INSC: variants seen among roughly 807,000 people sequenced by gnomAD.
The protein encoded by INSC is protein inscuteable homolog.
Under a neutral mutation model 58.6 loss-of-function variants are expected in INSC, and 67 were observed. The observed-to-expected ratio is 1.14, with a 90% CI of 0.94 to 1.40. INSC has a LOEUF of 1.40. Ranked by LOEUF, INSC falls within the 40% of genes most tolerant of loss-of-function variation. The pLI is 0.00. For missense variants in INSC, 714 were observed against 692.0 expected (o/e 1.03, Z -0.36); for synonymous variants, 262 against 276.1 (o/e 0.95, Z 0.51).
intron 1 of INSC, among the ~76,000 whole-genome samples, chr11:15,139,687 A>T (rs969907355): frequency 6.6e-6 from 1 of 152,208 alleles, no homozygotes; most frequent in Non-Finnish European, 1.5e-5. Flanking sequence ...GATCAAAAAC[A>T]TAATGCTCAA....
intron 1 of INSC, among the ~76,000 whole-genome samples, chr11:15,138,081 G>A (rs1254144625): frequency 6.6e-6 from 1 of 152,124 alleles, no homozygotes; most frequent in Non-Finnish European, 1.5e-5. Flanking sequence ...AGGAGAGGGA[G>A]AAAGATAGGG....
At chr11:15,113,622 C>T (rs183034990), upstream of INSC, among the ~76,000 whole-genome samples, 227 of 152,248 alleles carry the variant, frequency 1.5e-3, no homozygotes, top group Admixed American at 3.2e-3. Context: ...AACTGAGGCC[C>T]CTCTCAGGGA....
intron 1 of INSC, among the ~76,000 whole-genome samples, chr11:15,121,297 G>A (rs1365685598): frequency 1.3e-5 from 2 of 152,106 alleles, no homozygotes; most frequent in African/African-American, 4.8e-5. Context: ...ATCCAGAGCA[G>A]TTCTGCTTTA....
chr11:15,206,139 G>A (rs1850788484), intron 7 of INSC, among the ~76,000 whole-genome samples: 1 of 152,206 alleles, frequency 6.6e-6, no homozygotes, highest in Admixed American at 6.5e-5. Context: ...GCTGGGTTCT[G>A]GAGAAGAGAC....
intron 1 of INSC, among the ~76,000 whole-genome samples, chr11:15,130,450 T>C (rs958301197): frequency 2.0e-5 from 3 of 152,246 alleles, no homozygotes; most frequent in Admixed American, 1.3e-4. Context: ...AGCCATGATA[T>C]ACAATCCTTT....
At chr11:15,215,497 G>A (rs142608445) in intron 7 of INSC, among the ~76,000 whole-genome samples, 225 of 152,340 alleles carry the variant, frequency 1.5e-3, no homozygotes, top group African/African-American at 5.0e-3. Context: ...AGGCCCCAAT[G>A]AGGGAGGCAT....
chr11:15,152,960 G>C (rs760988706), intron 2 of INSC, among the ~76,000 whole-genome samples: 12 of 152,214 alleles, frequency 7.9e-5, no homozygotes, highest in Non-Finnish European at 1.3e-4. Context: ...CCTGAGTGCT[G>C]GGTAGTACTC....
chr11:15,186,398 C>T (rs893428588), intron 5 of INSC, among the ~76,000 whole-genome samples: 2 of 152,192 alleles, frequency 1.3e-5, no homozygotes, highest in Non-Finnish European at 2.9e-5. Flanking sequence ...GTGAATGCAG[C>T]ATCTGGATCT....
At chr11:15,140,154 G>A (rs930338097) in intron 1 of INSC, among the ~76,000 whole-genome samples, 4 of 152,144 alleles carry the variant, frequency 2.6e-5, no homozygotes, top group African/African-American at 4.8e-5. Context: ...TAAACCAGGT[G>A]CTGGCACACA....
At position 15,142,579 on chromosome 11, in the gene INSC, G is replaced by A. The variant is rs138093121; in HGVS notation, c.-45-6551G>A. On this transcript the variant is annotated intron_variant, in intron 1 of 12. Transcript: ENST00000379556. ...CTTGTTTGTCCCGCTTCGGGGGAGG[G>A]TGACATTCCCTTGGTTACCTGTCAT... Among the ~76,000 whole-genome samples, 14 of 152,258 alleles carry A rather than the reference G, an allele frequency of 9.2e-5. 1 individual carries two copies. In the East Asian group the frequency reaches 2.7e-3, roughly 29 times the overall value.
intron 1 of INSC, among the ~76,000 whole-genome samples, chr11:15,144,486 A>G (rs1848445538): frequency 6.6e-6 from 1 of 152,166 alleles, no homozygotes; most frequent in Admixed American, 6.5e-5. Context: ...AAAGAGCCAT[A>G]TCTGTCTGGT....
chr11:15,164,330 T>G (rs188804941), intron 2 of INSC, among the ~76,000 whole-genome samples: 2 of 152,282 alleles, frequency 1.3e-5, no homozygotes, highest in East Asian at 3.9e-4. Context: ...AACTCCACCT[T>G]CTTTTGTTTT....
At chr11:15,244,676 C>G (rs1852492071) in intron 12 of INSC, among the ~76,000 whole-genome samples, 1 of 152,146 alleles carries the variant, frequency 6.6e-6, no homozygotes, top group South Asian at 2.1e-4. Flanking sequence ...AAAGGGAGAT[C>G]ATGACACTTA....
intron 8 of INSC, among the ~76,000 whole-genome samples, chr11:15,222,095 C>G (rs2133933679): frequency 6.6e-6 from 1 of 152,320 alleles, no homozygotes; most frequent in African/African-American, 2.4e-5. Flanking sequence ...CCACAACCTG[C>G]TGCCTGAAAA....
At chr11:15,224,948 T>C (rs1851576441) in intron 8 of INSC, among the ~76,000 whole-genome samples, 1 of 152,222 alleles carries the variant, frequency 6.6e-6, no homozygotes, top group Non-Finnish European at 1.5e-5. Context: ...ACTGAGGCTC[T>C]GTTGATGGCA....
intron 7 of INSC, among the ~76,000 whole-genome samples, chr11:15,207,847 T>A (rs1850867575): frequency 6.6e-6 from 1 of 152,208 alleles, no homozygotes; most frequent in Admixed American, 6.5e-5. Context: ...GGTCATTTTG[T>A]AAGGAAGGCA....
At chr11:15,251,557 T>C (rs558840829), downstream of INSC, among the ~76,000 whole-genome samples, 1 of 152,216 alleles carries the variant, frequency 6.6e-6, no homozygotes, top group East Asian at 1.9e-4. Context: ...AATTAAACAA[T>C]AAAAACACAA....
intron 7 of INSC, among the ~76,000 whole-genome samples, chr11:15,212,247 G>A (rs958280323): frequency 6.6e-6 from 1 of 152,132 alleles, no homozygotes; most frequent in African/African-American, 2.4e-5. Context: ...GATTACAGGT[G>A]TGTGCCACCG....
At chr11:15,181,812 C>T (rs1849790232) in intron 5 of INSC, among the ~76,000 whole-genome samples, 2 of 152,180 alleles carry the variant, frequency 1.3e-5, no homozygotes, top group Non-Finnish European at 2.9e-5. Flanking sequence ...CTCGTTGCAG[C>T]TTCTACTTAC....
Sources: gnomAD v4.1 joint callset for allele counts (sites outside exome capture counted in the v4.1 genomes callset) on GRCh38, gnomAD v4.1.1 for gene constraint, MANE v1.5 for transcripts, NCBI Gene and HGNC (gene_info 2026-07-23, HGNC 2026-07-21) for gene names.